VPS13D: variants seen among roughly 807,000 people sequenced by gnomAD.
VPS13D encodes the protein intermembrane lipid transfer protein VPS13D.
Under a neutral mutation model 461.9 loss-of-function variants are expected in VPS13D, and 187 were observed. That is an observed-to-expected ratio of 0.40 (90% CI 0.36 to 0.46). VPS13D has a LOEUF of 0.46. Ranked by LOEUF, VPS13D falls within the 20% of genes least tolerant of loss-of-function variation. The pLI is 0.60. For synonymous variants in VPS13D, 1,951 were observed against 1,986.3 expected, an observed-to-expected ratio of 0.98 and a Z score of 0.47; for missense variants, 4,711 against 5,364.9, an observed-to-expected ratio of 0.88 and a Z score of 3.81.
At chr1:12,407,579 C>T (rs1644671884) in intron 63 of VPS13D, among the ~76,000 whole-genome samples, 1 of 152,124 alleles carries the variant, frequency 6.6e-6, no homozygotes, top group Non-Finnish European at 1.5e-5. Context: ...CTGTTTGGCT[C>T]GTTCCCTCAT....
In VPS13D at chr1:12,507,761, G is replaced by A. The variant is rs1173733303; in HGVS notation, c.13035+668G>A. On this transcript the variant is annotated intron_variant, in intron 69 of 69. Transcript: ENST00000620676. This position sits in a 1 kb window ranked among gnomAD's most constrained non-coding sequence, Gnocchi z 5.3. ...TCAAGGCTACACAGCTGACCTTGAG[G>A]AGCCGGGGTTCAAATCCGAGTGGCT... Among the ~76,000 whole-genome samples, 1 of 152,232 alleles carries A rather than the reference G, an allele frequency of 6.6e-6. No homozygotes were observed. Among genetic ancestry groups the A allele is most frequent in the Non-Finnish European group, 1.5e-5 (1 of 68,040 alleles).
At chr1:12,291,577 T>C (rs1642132713) in intron 23 of VPS13D, among the ~76,000 whole-genome samples, 1 of 152,156 alleles carries the variant, frequency 6.6e-6, no homozygotes, top group South Asian at 2.1e-4. Flanking sequence ...GAGCCATGAC[T>C]GTGCTACTGC....
intron 61 of VPS13D, 89 bp from the exon 62 acceptor site, chr1:12,401,519 G>A: frequency 1.1e-6 from 1 of 881,044 alleles, no homozygotes; most frequent in Non-Finnish European, 1.8e-6. Context: ...ATTAATGAAA[G>A]CATACCATGT....
intron 18 of VPS13D, among the ~76,000 whole-genome samples, chr1:12,274,357 G>A (rs190374967): frequency 6.6e-6 from 1 of 152,198 alleles, no homozygotes; most frequent in East Asian, 1.9e-4. Flanking sequence ...TGTATTTTTA[G>A]TAGAGACAGG....
rs866013399 is a variant in VPS13D at position 12,326,596 on chromosome 1, A to G, written c.7991-1052A>G. ...AGTGATCCCTTGCCTAAACCTCCCA[A>G]AGCATTGGGCTTATAAGCATTAGCC... On this transcript the variant is annotated intron_variant, in intron 35 of 69. Transcript: ENST00000620676. Among the ~76,000 whole-genome samples, 12 of 151,168 alleles carry G rather than the reference A, an allele frequency of 7.9e-5. 1 individual carries two copies. The highest frequency in any genetic ancestry group is 3.4e-3 in the Middle Eastern group (1 of 290).
At chr1:12,258,227 G>A in intron 10 of VPS13D, 124 bp downstream of exon 10, 1 of 1,210,984 alleles carries the variant, frequency 8.3e-7, no homozygotes, top group Non-Finnish European at 1.1e-6. Flanking sequence ...AAATTTTATA[G>A]GATAGAGTTG....
At chr1:12,469,028 C>G (rs969280288) in intron 67 of VPS13D, among the ~76,000 whole-genome samples, 1 of 150,034 alleles carries the variant, frequency 6.7e-6, no homozygotes, top group African/African-American at 2.5e-5. Context: ...GAGTGAAACC[C>G]TGTCTCAAAG....
chr1:12,429,073 C>A (rs770794557), intron 65 of VPS13D, among the ~76,000 whole-genome samples: 2 of 149,238 alleles, frequency 1.3e-5, no homozygotes, highest in Non-Finnish European at 3.0e-5. Context: ...CCAGAGTAGA[C>A]CCTGTGGAGG....
In VPS13D at chr1:12,338,213, G is replaced by A; in HGVS notation, c.8552-18G>A. On this transcript the variant is annotated intron_variant, in intron 39 of 69. Coordinates refer to ENST00000620676, the MANE Select transcript of VPS13D (RefSeq NM_015378.4). ...GTATTTATTCTTAGCCTCTAACTTT[G>A]TCTCTCCTGTCTACCAGGCCTCCCC... 6.2e-7 allele frequency: 1 copy of A among 1,606,296 alleles called. No homozygotes were observed. Among genetic ancestry groups the A allele is most frequent in the East Asian group, 2.2e-5 (1 of 44,844 alleles).
chr1:12,293,388 T>G, intron 23 of VPS13D, 136 bp from the exon 24 acceptor site: 1 of 813,960 alleles, frequency 1.2e-6, no homozygotes, highest in South Asian at 2.1e-5. Context: ...GAGTTTGCTT[T>G]GTAAAGCCTA....
intron 60 of VPS13D, among the ~76,000 whole-genome samples, chr1:12,390,960 A>G (rs982811620): frequency 5.9e-5 from 9 of 152,190 alleles, no homozygotes; most frequent in African/African-American, 2.2e-4. Context: ...GAGGTCACCC[A>G]TTGGTGAGCA....
intron 3 of VPS13D, among the ~76,000 whole-genome samples, 160 bp downstream of exon 3, chr1:12,242,750 C>T (rs566837555): frequency 2.1e-4 from 32 of 152,138 alleles, no homozygotes; most frequent in African/African-American, 7.5e-4. Flanking sequence ...TTGGGCCACT[C>T]GTATCAGGAT....
intron 67 of VPS13D, among the ~76,000 whole-genome samples, chr1:12,478,164 CTT>C (rs1233056700): frequency 6.6e-6 from 1 of 152,232 alleles, no homozygotes; most frequent in Non-Finnish European, 1.5e-5. Context: ...CCCCTGAACT[CTT>C]TTCACTTCAG....
At chr1:12,256,610 C>G (rs1238101372) in intron 8 of VPS13D, 107 bp downstream of exon 8, 1 of 1,259,688 alleles carries the variant, frequency 7.9e-7, no homozygotes, top group Admixed American at 2.2e-5. Flanking sequence ...CATGTGAGAC[C>G]ATTTCCCTCC....
At chr1:12,396,409 C>T (rs569492037) in intron 60 of VPS13D, among the ~76,000 whole-genome samples, 3 of 152,174 alleles carry the variant, frequency 2.0e-5, no homozygotes, top group South Asian at 2.1e-4. Flanking sequence ...CTGAAAAAGT[C>T]GACCTTTACA....
rs773707232 is a variant in VPS13D at position 12,282,843 on chromosome 1, T to C, written c.4741T>C (p.Cys1581Arg). Residue 1581 changes from cysteine (C) to arginine (R), a missense_variant, in exon 21 of 70, where the codon TGT becomes CGT. Physicochemically the swap from Cys to Arg is radical, Grantham distance 180 (BLOSUM62 -3). Transcript: ENST00000620676. ...TTCTCCTCTGCCTCCCCTCAGTACC[T>C]GTGGAGAATCTTCTGTTGAAAGGAA... The part of the protein sequence containing the change: ...PDSPLPPLST[C>R]GESSVERKEN... The C allele has an allele frequency of 1.2e-6, 2 of 1,614,188 alleles. No individual in the cohort carries two copies. The highest frequency in any genetic ancestry group is 1.7e-6 in the Non-Finnish European group (2 of 1,180,020).
At chr1:12,395,847 T>TG (rs958917740) in intron 60 of VPS13D, among the ~76,000 whole-genome samples, 13 of 151,344 alleles carry the variant, frequency 8.6e-5, no homozygotes, top group African/African-American at 2.7e-4. Flanking sequence ...AGCAATTTTT[T>TG]GGGGGGCTAA....
intron 68 of VPS13D, chr1:12,500,300 A>G (rs1435504479): frequency 4.5e-6 from 4 of 881,710 alleles, no homozygotes; most frequent in Middle Eastern, 5.9e-4. Flanking sequence ...CACAATTGTC[A>G]TTGCTTCCCA....
chr1:12,372,079 A>T (rs927668571), intron 54 of VPS13D, among the ~76,000 whole-genome samples: 1 of 151,844 alleles, frequency 6.6e-6, no homozygotes, highest in Non-Finnish European at 1.5e-5. Flanking sequence ...TATTTTTGAG[A>T]CAAGGTCTCT....
Sources: gnomAD v4.1 joint callset for allele counts (sites outside exome capture counted in the v4.1 genomes callset) on GRCh38, gnomAD v4.1.1 for gene constraint, Gnocchi (gnomAD v3.1) non-coding constraint, MANE v1.5 for transcripts, NCBI Gene and HGNC (gene_info 2026-07-23, HGNC 2026-07-21) for gene names.